Variants in PRKAR1A observed in about 807,000 individuals in gnomAD.
PRKAR1A encodes the protein protein kinase cAMP-dependent type I regulatory subunit alpha, also known as cAMP-dependent protein kinase type I-alpha regulatory subunit.
PRKAR1A carries 3 observed loss-of-function variants against 52.0 expected under a neutral mutation model. The ratio of observed to expected loss-of-function variants is 0.06; its 90% CI spans 0.03 to 0.15. The LOEUF (loss-of-function observed/expected upper bound fraction) is 0.15. PRKAR1A is among the 10% of genes least tolerant of loss of function. PRKAR1A has a pLI of 1.00. For missense variants in PRKAR1A, 240 were observed against 477.4 expected, an observed-to-expected ratio of 0.50 and a Z score of 4.63; for synonymous variants, 188 against 168.4, an observed-to-expected ratio of 1.12 and a Z score of -0.90.
chr17:68,526,316 G>A (rs1003888866), intron 7 of PRKAR1A, among the ~76,000 whole-genome samples: 1 of 152,208 alleles, frequency 6.6e-6, no homozygotes, highest in Non-Finnish European at 1.5e-5. Flanking sequence ...ACCTGTGAAA[G>A]TGGGTTATCA....
chr17:68,464,017 A>G, the PRKAR1A span, among the ~76,000 whole-genome samples: 3 of 152,200 alleles, frequency 2.0e-5, no homozygotes, highest in Non-Finnish European at 4.4e-5. Context: ...TTCCAGGAAC[A>G]CCCACTACTT....
At chr17:68,413,985 C>G in the PRKAR1A span, 1 of 155,090 alleles carries the variant, frequency 6.4e-6, no homozygotes, top group Admixed American at 6.5e-5. Flanking sequence ...GCGCACGGTG[C>G]GCGCACCCAC....
chr17:68,518,349 C>G (rs1384599569), intron 2 of PRKAR1A, among the ~76,000 whole-genome samples: 1 of 152,224 alleles, frequency 6.6e-6, no homozygotes, highest in Non-Finnish European at 1.5e-5. Flanking sequence ...GAGGGCCACG[C>G]CCCTGCAGCA....
chr17:68,446,716 C>T, the PRKAR1A span, among the ~76,000 whole-genome samples: 1 of 152,182 alleles, frequency 6.6e-6, no homozygotes, highest in Non-Finnish European at 1.5e-5. Context: ...CCCTCCCAGC[C>T]CCACACCCAA....
chr17:68,542,816 G>T, intron 11 of PRKAR1A: 1 of 1,602,620 alleles, frequency 6.2e-7, no homozygotes, highest in Non-Finnish European at 8.5e-7. Context: ...AATCCTGCAA[G>T]AGAGGAAGCT....
chr17:68,440,006 C>T, the PRKAR1A span, among the ~76,000 whole-genome samples: 12 of 152,248 alleles, frequency 7.9e-5, no homozygotes, highest in East Asian at 1.2e-3. Context: ...AGGGAAGAAA[C>T]GTTTAAACTT....
the PRKAR1A span, chr17:68,434,413 C>A: frequency 2.6e-6 from 2 of 759,392 alleles, no homozygotes; most frequent in South Asian, 1.9e-5. Flanking sequence ...GCCTGGGAGT[C>A]AATTACCTGG....
At chr17:68,428,784 C>T in the PRKAR1A span, 111 of 1,477,200 alleles carry the variant, frequency 7.5e-5, no homozygotes, top group Admixed American at 6.8e-5. Flanking sequence ...CAACTCTACA[C>T]GACCAGCTCT....
chr17:68,420,363 T>C, the PRKAR1A span: 4,845 of 1,614,120 alleles, frequency 3.0e-3, 11 homozygotes, highest in Non-Finnish European at 3.6e-3. Flanking sequence ...CTCCAAGACA[T>C]TGCCAACGAC....
the PRKAR1A span, chr17:68,435,746 T>C: frequency 6.3e-7 from 1 of 1,596,970 alleles, no homozygotes; most frequent in South Asian, 1.1e-5. Flanking sequence ...ATACAGATGC[T>C]GCGGAGGAGG....
chr17:68,460,964 T>C, the PRKAR1A span, among the ~76,000 whole-genome samples: 1 of 152,210 alleles, frequency 6.6e-6, no homozygotes, highest in Non-Finnish European at 1.5e-5. Flanking sequence ...TTTTTTAACA[T>C]TCTAGTTCTG....
At chr17:68,427,353 T>G in the PRKAR1A span, 6 of 884,578 alleles carry the variant, frequency 6.8e-6, no homozygotes, top group East Asian at 5.0e-5. Flanking sequence ...TGCTCAGCTC[T>G]GTGGGTTATT....
the PRKAR1A span, among the ~76,000 whole-genome samples, chr17:68,418,168 G>A: frequency 6.6e-6 from 1 of 152,164 alleles, no homozygotes; most frequent in South Asian, 2.1e-4. Flanking sequence ...GACATTGTTG[G>A]TGATGCATTG....
downstream of PRKAR1A, chr17:68,537,815 A>G (rs140248708): frequency 2.7e-6 from 4 of 1,506,536 alleles, no homozygotes; most frequent in East Asian, 9.8e-5. The surrounding 1 kb of genome is among the most constrained non-coding windows in gnomAD (Gnocchi z 4.2). Context: ...CTTTCCCCAC[A>G]AACAGCTGTT....
chr17:68,519,439 A>G (rs1350797262), intron 2 of PRKAR1A, among the ~76,000 whole-genome samples: 1 of 152,232 alleles, frequency 6.6e-6, no homozygotes. Flanking sequence ...GTCAGATGTC[A>G]TGAGAGCTCA....
chr17:68,544,917 G>A (rs77868993), intron 11 of PRKAR1A, among the ~76,000 whole-genome samples: 63 of 152,126 alleles, frequency 4.1e-4, no homozygotes, highest in African/African-American at 1.4e-3. Context: ...AAATTCAAAG[G>A]TTGTTTTTAC....
At chr17:68,550,944 G>A (rs1461274477) in intron 11 of PRKAR1A, 4 of 594,456 alleles carry the variant, frequency 6.7e-6, no homozygotes, top group Non-Finnish European at 9.6e-6. Context: ...ATCTACTGGG[G>A]CTCTCAATGG....
At chr17:68,470,533 A>G in the PRKAR1A span, among the ~76,000 whole-genome samples, 1 of 152,232 alleles carries the variant, frequency 6.6e-6, no homozygotes, top group Non-Finnish European at 1.5e-5. Context: ...TTATCTTTAA[A>G]CACTACTTTT....
chr17:68,451,690 G>A, the PRKAR1A span, among the ~76,000 whole-genome samples: 1 of 152,156 alleles, frequency 6.6e-6, no homozygotes, highest in Non-Finnish European at 1.5e-5. Flanking sequence ...CAATATGGGA[G>A]GGGACAGTAA....
Sources: gnomAD v4.1 joint callset for allele counts (sites outside exome capture counted in the v4.1 genomes callset) on GRCh38, gnomAD v4.1.1 for gene constraint, Gnocchi (gnomAD v3.1) non-coding constraint, MANE v1.5 for transcripts, NCBI Gene and HGNC (gene_info 2026-07-23, HGNC 2026-07-21) for gene names.